Variants in NDC1 observed in about 807,000 individuals in gnomAD.
NDC1 encodes the protein nucleoporin NDC1.
A neutral mutation model predicts 89.8 loss-of-function variants in NDC1; 24 were observed. The ratio of observed to expected loss-of-function variants is 0.27; its 90% confidence interval spans 0.19 to 0.38. The LOEUF is 0.38. Ranked by LOEUF, NDC1 falls within the 10% of genes least tolerant of loss-of-function variation. The probability of loss-of-function intolerance (pLI) is 1.00; values close to 1 mark genes in which losing one functional copy is unlikely to be tolerated. For missense variants in NDC1, 728 were observed against 797.6 expected, an observed-to-expected ratio of 0.91 and a Z score of 1.05; for synonymous variants, 296 against 284.8, an observed-to-expected ratio of 1.04 and a Z score of -0.39.
chr1:53,803,864 C>G, intron 10 of NDC1, 64 bp downstream of exon 10: 2 of 1,277,584 alleles, frequency 1.6e-6, no homozygotes, highest in Non-Finnish European at 2.3e-6. Flanking sequence ...AGCCACCATG[C>G]CTGGCCAAGT....
chr1:53,829,704 G>C (rs72662333), intron 3 of NDC1, among the ~76,000 whole-genome samples: 1 of 152,314 alleles, frequency 6.6e-6, no homozygotes, highest in South Asian at 2.1e-4. Flanking sequence ...CTTTAAGAAG[G>C]ACTGGCTGGG....
At chr1:53,833,339 T>C (rs1262940984) in intron 2 of NDC1, among the ~76,000 whole-genome samples, 3 of 152,064 alleles carry the variant, frequency 2.0e-5, no homozygotes, top group Middle Eastern at 3.2e-3. Flanking sequence ...TCTCACTATG[T>C]TGTCAAGGCT....
chr1:53,835,766 T>C (rs1557593542), intron 1 of NDC1, 146 bp from the exon 2 acceptor site: 2 of 654,920 alleles, frequency 3.1e-6, no homozygotes, highest in Admixed American at 3.2e-5. Context: ...TAACATTACG[T>C]ACCACTAAAG....
chr1:53,791,128 G>A (rs563612113), intron 14 of NDC1, among the ~76,000 whole-genome samples: 11 of 152,186 alleles, frequency 7.2e-5, no homozygotes, highest in East Asian at 5.8e-4. Flanking sequence ...AAGTAAGAAC[G>A]TGCAATATTT....
intron 10 of NDC1, among the ~76,000 whole-genome samples, chr1:53,802,007 T>C (rs1416521295): frequency 6.6e-6 from 1 of 152,184 alleles, no homozygotes; most frequent in African/African-American, 2.4e-5. Context: ...CCTCCCAAAG[T>C]GCTGGGATTA....
At chr1:53,783,226 G>A (rs1647231811) in intron 16 of NDC1, among the ~76,000 whole-genome samples, 1 of 152,018 alleles carries the variant, frequency 6.6e-6, no homozygotes, top group Admixed American at 6.6e-5. Flanking sequence ...CAGACAGGGT[G>A]TGGGGCAGAT....
rs1472518076 is a variant in NDC1 at position 53,787,353 on chromosome 1, T to TA, written c.1700-96dup. Reference sequence around the variant, plus strand: ...TTAGGAAGGATTAATATTCTGAATATAAAAAGAAATAAAGGCTGGGCACGG... The same window carrying TA: ...TTAGGAAGGATTAATATTCTGAATATAAAAAAGAAATAAAGGCTGGGCACGG... On this transcript the variant is annotated intron_variant, in intron 15 of 17. Transcript: ENST00000371429. The TA allele has an allele frequency of 6.9e-6, 5 of 722,330 alleles. No homozygotes were observed. The Admixed American group carries it at 9.6e-5, about 14-fold the overall frequency. 44.7% of individuals were successfully genotyped at this position (722,330 alleles called of 1,614,324 possible).
At position 53,765,844 on chromosome 1, in the gene NDC1, TTCA is replaced by T. The variant is rs1226240392; in HGVS notation, c.*2123_*2125del. The T allele has an allele frequency of 6.6e-6, 1 of 152,114 alleles. No homozygotes were observed. The highest frequency in any genetic ancestry group is 2.4e-5 in the African/African-American group (1 of 41,408). The allele number at this position is 152,114 out of a possible 1,614,324, so 9.4% of individuals were successfully genotyped here. On this transcript the variant is annotated 3_prime_UTR_variant, in exon 18 of 18. Coordinates refer to ENST00000371429, the MANE Select transcript of NDC1 (RefSeq NM_018087.5). ...AGTGGGCTCATAGACAGGATGTGAC[TTCA>T]TCAAAGGAAATGCTTCTCTCCTCTT...
intron 6 of NDC1, among the ~76,000 whole-genome samples, chr1:53,812,549 A>C (rs1161384580): frequency 6.6e-6 from 1 of 152,212 alleles, no homozygotes; most frequent in Non-Finnish European, 1.5e-5. Context: ...AACCCAATCC[A>C]ACAAAGACAA....
At position 53,772,604 on chromosome 1, in the gene NDC1, G is replaced by C. The variant is rs923488689; in HGVS notation, c.1801-115C>G. 1.3e-5 allele frequency: 11 copies of C among 879,670 alleles called. No individual in the cohort carries two copies. In the Admixed American group the frequency reaches 1.6e-4, roughly 13 times the overall value. 54.5% of individuals were successfully genotyped at this position (879,670 alleles called of 1,614,324 possible). On this transcript the variant is annotated intron_variant, in intron 16 of 17. Coordinates refer to ENST00000371429, the MANE Select transcript of NDC1 (RefSeq NM_018087.5). ...TTTGGAAGGACGAGGCGGGAGGACT[G>C]CTTGAGCCCAGGAGTTCCACTGTAC...
At chr1:53,815,246 A>C (rs1249706064) in intron 6 of NDC1, among the ~76,000 whole-genome samples, 3 of 152,220 alleles carry the variant, frequency 2.0e-5, no homozygotes, top group African/African-American at 7.2e-5. Flanking sequence ...TCAAAAAGAT[A>C]ATCCACCATG....
At chr1:53,778,184 T>C (rs1404054125) in intron 16 of NDC1, among the ~76,000 whole-genome samples, 1 of 151,416 alleles carries the variant, frequency 6.6e-6, no homozygotes, top group Admixed American at 6.6e-5. Context: ...AGAAAAGCAT[T>C]AATGTATCCG....
intron 8 of NDC1, 50 bp downstream of exon 8, chr1:53,807,606 T>C (rs35265457): frequency 0.012 from 18,580 of 1,512,728 alleles, 150 homozygotes; most frequent in Non-Finnish European, 0.015. Flanking sequence ...AAATCAACTG[T>C]GCACTCCAAA....
At chr1:53,824,957 T>C (rs549286511) in intron 5 of NDC1, among the ~76,000 whole-genome samples, 2 of 152,096 alleles carry the variant, frequency 1.3e-5, no homozygotes, top group Non-Finnish European at 2.9e-5. Context: ...GCAGATAGCT[T>C]GAGCCCAGGA....
At chr1:53,794,930 C>T (rs1281648494) in intron 13 of NDC1, among the ~76,000 whole-genome samples, 1 of 152,046 alleles carries the variant, frequency 6.6e-6, no homozygotes, top group African/African-American at 2.4e-5. Flanking sequence ...AGCTATTGCC[C>T]CATTTTTCTG....
rs187696604 is a variant in NDC1, at chr1:53,830,835, C to T, written c.280+1655G>A. On this transcript the variant is annotated intron_variant, in intron 3 of 17. Coordinates refer to ENST00000371429, the MANE Select transcript of NDC1 (RefSeq NM_018087.5). ...CGAGATCACGCCATTGCACTCCAGC[C>T]TGGGCAACAAGAGTGAAACTCCGTC... Among the ~76,000 whole-genome samples, 207 of 151,856 alleles carry T rather than the reference C, an allele frequency of 1.4e-3. 1 individual carries two copies. The highest frequency in any genetic ancestry group is 4.2e-3 in the African/African-American group (172 of 41,396).
intron 6 of NDC1, among the ~76,000 whole-genome samples, chr1:53,816,102 T>C (rs916734898): frequency 2.0e-4 from 31 of 152,058 alleles, no homozygotes; most frequent in African/African-American, 6.8e-4. Context: ...AAACAATTCT[T>C]AAATTCATAT....
intron 2 of NDC1, among the ~76,000 whole-genome samples, chr1:53,832,880 G>A (rs1180809732): frequency 1.3e-5 from 2 of 151,998 alleles, no homozygotes; most frequent in Admixed American, 6.6e-5. Flanking sequence ...GTGTGGTGGT[G>A]CACACCTGCA....
chr1:53,828,130 C>G lies in NDC1; in HGVS notation c.324G>C (p.Lys108Asn). The G allele has an allele frequency of 1.9e-6, 3 of 1,614,080 alleles. No individual in the cohort carries two copies. The highest frequency in any genetic ancestry group is 2.2e-5 in the South Asian group (2 of 91,066). The change falls in exon 4 of 18, where the codon AAG (lysine) becomes AAC (asparagine). Residue 108 changes from lysine (K) to asparagine (N), a missense_variant. By Grantham distance (94) the Lys-to-Asn change is moderately conservative. Transcript: ENST00000371429. The part of the protein sequence containing the change: ...IPCSRLALIG[K>N]IIHPQQLMHS... Reference sequence around the variant, plus strand: ...GCATGAGTTGCTGAGGATGAATGATCTTCCCTATCAGAGCTAGTCTGGAGC... The same window carrying G: ...GCATGAGTTGCTGAGGATGAATGATGTTCCCTATCAGAGCTAGTCTGGAGC...
Sources: gnomAD v4.1 joint callset for allele counts (sites outside exome capture counted in the v4.1 genomes callset) on GRCh38, gnomAD v4.1.1 for gene constraint, MANE v1.5 for transcripts, NCBI Gene and HGNC (gene_info 2026-07-23, HGNC 2026-07-21) for gene names.